MILR1: variants seen among roughly 807,000 people sequenced by gnomAD.
MILR1 encodes allergin-1.
A neutral mutation model predicts 18.5 loss-of-function variants in MILR1; 31 were observed. The observed-to-expected ratio is 1.68, with a 90% confidence interval of 1.26 to 2.26. The LOEUF (loss-of-function observed/expected upper bound fraction) is 2.26, where lower values mean the gene tolerates loss of function less well. Ranked by LOEUF, MILR1 falls within the 30% of genes most tolerant of loss-of-function variation. The pLI is 0.00. For synonymous variants in MILR1, 85 were observed against 56.2 expected, an observed-to-expected ratio of 1.51 and a Z score of -2.30; for missense variants, 257 against 157.4, an observed-to-expected ratio of 1.63 and a Z score of -3.38.
the MILR1 span, among the ~76,000 whole-genome samples, chr17:64,476,070 G>A: frequency 2.0e-5 from 3 of 151,964 alleles, no homozygotes; most frequent in East Asian, 5.8e-4. Flanking sequence ...GCCTCCCAAA[G>A]GGTTGGGATT....
At chr17:64,472,466 A>G (rs1456651791), downstream of MILR1, among the ~76,000 whole-genome samples, 1 of 89,824 alleles carries the variant, frequency 1.1e-5, no homozygotes, top group Non-Finnish European at 2.1e-5. Context: ...ACTCCATCTC[A>G]AAAAAAAAAA....
intron 3 of MILR1, among the ~76,000 whole-genome samples, chr17:64,456,619 C>T (rs908547699): frequency 2.6e-5 from 4 of 151,918 alleles, no homozygotes; most frequent in Middle Eastern, 3.4e-3. Flanking sequence ...GAGACCAGCC[C>T]GGGCAACATA....
At chr17:64,480,226 A>G in the MILR1 span, 1 of 546,700 alleles carries the variant, frequency 1.8e-6, no homozygotes, top group Admixed American at 3.0e-5. Context: ...TGTTTCTGTA[A>G]TTCATAAACA....
chr17:64,484,877 T>C, the MILR1 span, among the ~76,000 whole-genome samples: 2 of 152,314 alleles, frequency 1.3e-5, no homozygotes, highest in Middle Eastern at 3.4e-3. Context: ...CAACATTATT[T>C]GTTAAAACTT....
chr17:64,485,722 C>T, the MILR1 span: 3 of 1,609,290 alleles, frequency 1.9e-6, no homozygotes, highest in African/African-American at 1.3e-5. Context: ...GAAATATCAA[C>T]AGCACCTTTC....
chr17:64,491,088 T>C, the MILR1 span: 2 of 795,494 alleles, frequency 2.5e-6, no homozygotes, highest in Admixed American at 2.1e-5. Context: ...TGTGCGAAAC[T>C]AGTCAAGTCC....
At chr17:64,472,531 CATA>C (rs1476068205), downstream of MILR1, among the ~76,000 whole-genome samples, 1 of 131,596 alleles carries the variant, frequency 7.6e-6, no homozygotes, top group Non-Finnish European at 1.6e-5. Context: ...TGATGTGTTG[CATA>C]ATAACATTTC....
intron 5 of MILR1, among the ~76,000 whole-genome samples, chr17:64,462,715 A>G (rs1037924254): frequency 6.7e-6 from 1 of 150,150 alleles, no homozygotes; most frequent in Non-Finnish European, 1.5e-5. Context: ...ATCTCGGCTC[A>G]CAGCAGCCTC....
chr17:64,483,513 C>CCA, the MILR1 span, among the ~76,000 whole-genome samples: 2 of 113,454 alleles, frequency 1.8e-5, no homozygotes, highest in African/African-American at 5.8e-5. Context: ...GATCCTGTCT[C>CCA]AAAAAAAAAA....
At chr17:64,465,739 C>T (rs1275735455) in intron 6 of MILR1, among the ~76,000 whole-genome samples, 198 bp downstream of exon 6, 3 of 152,080 alleles carry the variant, frequency 2.0e-5, no homozygotes, top group African/African-American at 7.2e-5. Context: ...GTATAATAAA[C>T]AAATGGTAGT....
intron 8 of MILR1, among the ~76,000 whole-genome samples, chr17:64,466,957 C>T (rs1359965187): frequency 6.6e-6 from 1 of 151,798 alleles, no homozygotes; most frequent in African/African-American, 2.4e-5. Flanking sequence ...CCCTCTCTCC[C>T]TCCCTCCCTC....
At chr17:64,476,892 T>C in the MILR1 span, among the ~76,000 whole-genome samples, 18 of 151,808 alleles carry the variant, frequency 1.2e-4, no homozygotes, top group African/African-American at 4.1e-4. Context: ...ATTAAGTCAG[T>C]CAAACTTTTG....
intron 8 of MILR1, among the ~76,000 whole-genome samples, chr17:64,467,296 G>A (rs1218896556): frequency 6.7e-6 from 1 of 149,242 alleles, no homozygotes; most frequent in Admixed American, 6.7e-5. Context: ...TTTGGATAGA[G>A]ACAAGTATCT....
downstream of MILR1, among the ~76,000 whole-genome samples, chr17:64,469,986 G>T (rs1488816400): frequency 6.6e-6 from 1 of 152,186 alleles, no homozygotes; most frequent in Non-Finnish European, 1.5e-5. Flanking sequence ...TGGGGGCAGG[G>T]GACAACGAGG....
At chr17:64,483,114 T>C in the MILR1 span, 1 of 602,730 alleles carries the variant, frequency 1.7e-6, no homozygotes, top group Non-Finnish European at 3.0e-6. Flanking sequence ...TTCTTAACAG[T>C]TATAATTTTC....
chr17:64,482,722 C>T, the MILR1 span, among the ~76,000 whole-genome samples: 6 of 152,124 alleles, frequency 3.9e-5, no homozygotes, highest in East Asian at 1.9e-4. Flanking sequence ...TCAGAAAATC[C>T]GAAATCCAAA....
chr17:64,479,944 A>T, the MILR1 span, among the ~76,000 whole-genome samples: 1 of 152,228 alleles, frequency 6.6e-6, no homozygotes, highest in Non-Finnish European at 1.5e-5. Flanking sequence ...AGAATGGACC[A>T]CAATGCCAGC....
intron 5 of MILR1, among the ~76,000 whole-genome samples, chr17:64,461,688 T>C (rs1234588811): frequency 6.6e-6 from 1 of 152,172 alleles, no homozygotes; most frequent in African/African-American, 2.4e-5. Flanking sequence ...CCCATTGTCA[T>C]GCACCCTTCT....
At chr17:64,485,622 A>C in the MILR1 span, 1 of 954,864 alleles carries the variant, frequency 1.0e-6, no homozygotes, top group South Asian at 1.3e-5. Context: ...ACATGCACTA[A>C]ATTTATTATT....
Sources: gnomAD v4.1 joint callset for allele counts (sites outside exome capture counted in the v4.1 genomes callset) on GRCh38, gnomAD v4.1.1 for gene constraint, MANE v1.5 for transcripts, NCBI Gene and HGNC (gene_info 2026-07-23, HGNC 2026-07-21) for gene names.